Variants in NXN observed in about 807,000 individuals in gnomAD.
The protein encoded by NXN is nucleoredoxin.
In NXN, 16 loss-of-function variants were observed where a neutral mutation model predicts 48.6. The ratio of observed to expected loss-of-function variants is 0.33; its 90% confidence interval spans 0.22 to 0.50. The LOEUF (loss-of-function observed/expected upper bound fraction) is 0.50, where lower values mean the gene tolerates loss of function less well. Among genes scored for constraint, NXN ranks in the 20% least tolerant of loss-of-function variants. The pLI is 0.98. For synonymous variants in NXN, 281 were observed against 269.6 expected (o/e 1.04, Z -0.41); for missense variants, 492 against 605.5 (o/e 0.81, Z 1.97).
At chr17:923,532 A>T (rs1286438945) in intron 1 of NXN, among the ~76,000 whole-genome samples, 2 of 152,128 alleles carry the variant, frequency 1.3e-5, no homozygotes, top group Admixed American at 1.3e-4. Context: ...ACAAACAAAA[A>T]TTTTTAATTA....
intron 1 of NXN, among the ~76,000 whole-genome samples, chr17:959,631 C>A (rs1371536991): frequency 1.3e-5 from 2 of 148,860 alleles, no homozygotes; most frequent in East Asian, 4.0e-4. Flanking sequence ...CCCCTTTCTA[C>A]TAAAATACAA....
chr17:951,275 G>T (rs1052754779), intron 1 of NXN, among the ~76,000 whole-genome samples: 1 of 149,494 alleles, frequency 6.7e-6, no homozygotes, highest in African/African-American at 2.5e-5. Context: ...GCTTGAACCC[G>T]GGAGACAGAG....
rs558578582 is a variant in NXN, at chr17:820,428, G to A, written c.714-883C>T. 1.7e-3 allele frequency among the ~76,000 whole-genome samples: 246 copies of A among 147,876 alleles called. 2 individuals carry two copies. Among genetic ancestry groups the A allele is most frequent in the Admixed American group, 6.0e-3 (88 of 14,594 alleles). ...AGATCGAGACCGTCCTGGCTAACACGGTGAAACCCCATCTCTACTAAAAAT... is the reference window on the plus strand; with the variant it reads ...AGATCGAGACCGTCCTGGCTAACACAGTGAAACCCCATCTCTACTAAAAAT... On this transcript the variant is annotated intron_variant, in intron 4 of 7. Transcript: ENST00000336868.
chr17:897,893 C>A (rs1213626934), intron 1 of NXN, among the ~76,000 whole-genome samples: 4 of 152,218 alleles, frequency 2.6e-5, no homozygotes, highest in African/African-American at 7.2e-5. Context: ...GTTGGCCAGG[C>A]TGGTCTCGAA....
chr17:970,680 A>C (rs1361296679), intron 1 of NXN, among the ~76,000 whole-genome samples: 1 of 152,190 alleles, frequency 6.6e-6, no homozygotes, highest in African/African-American at 2.4e-5. Flanking sequence ...AATTCCGTGA[A>C]CAGAAAGGAC....
chr17:976,919 A>G (rs2069466747), intron 1 of NXN, among the ~76,000 whole-genome samples: 1 of 152,072 alleles, frequency 6.6e-6, no homozygotes, highest in South Asian at 2.1e-4. Context: ...GGCATGCGCC[A>G]CCAGGTCTGG....
chr17:919,891 T>C lies in NXN; in HGVS notation c.360+59428A>G, dbSNP rs76322510. 0.019 allele frequency among the ~76,000 whole-genome samples: 2,832 copies of C among 152,146 alleles called. 86 individuals carry two copies. Among genetic ancestry groups the C allele is most frequent in the African/African-American group, 0.065 (2,689 of 41,474 alleles). ...TCCCTCTTGTCACCTTGCAGACTGGTATTCACTAACCCCCAGGCCATGGCG... is the reference window on the plus strand; with the variant it reads ...TCCCTCTTGTCACCTTGCAGACTGGCATTCACTAACCCCCAGGCCATGGCG... On this transcript the variant is annotated intron_variant, in intron 1 of 7. Transcript: ENST00000336868. This position sits in a 1 kb window ranked among gnomAD's most constrained non-coding sequence, Gnocchi z 5.1.
chr17:848,278 T>C (rs936055907), intron 1 of NXN, among the ~76,000 whole-genome samples: 3 of 152,136 alleles, frequency 2.0e-5, no homozygotes, highest in South Asian at 2.1e-4. Context: ...TCTGGGATTA[T>C]AGGCACCCAC....
chr17:897,612 G>A (rs796865454), intron 1 of NXN, among the ~76,000 whole-genome samples: 17 of 152,262 alleles, frequency 1.1e-4, no homozygotes, highest in African/African-American at 2.9e-4. Context: ...AGGGCAATCC[G>A]CAAAGATTTC....
chr17:858,560 T>C (rs1260623278), intron 1 of NXN, among the ~76,000 whole-genome samples: 1 of 151,638 alleles, frequency 6.6e-6, no homozygotes, highest in Non-Finnish European at 1.5e-5. Context: ...ACCCCATCTC[T>C]ACTAAAAATA....
At chr17:805,648 C>T (rs1911452421) in intron 5 of NXN, among the ~76,000 whole-genome samples, 1 of 147,176 alleles carries the variant, frequency 6.8e-6, no homozygotes, top group Admixed American at 6.7e-5. Context: ...ACCAGCCTGG[C>T]CAACATGGTG....
At chr17:925,832 C>A (rs2068792683) in intron 1 of NXN, among the ~76,000 whole-genome samples, 1 of 152,182 alleles carries the variant, frequency 6.6e-6, no homozygotes, top group African/African-American at 2.4e-5. Flanking sequence ...GTCCCTGTTC[C>A]CCAAGAAGTA....
intron 1 of NXN, among the ~76,000 whole-genome samples, chr17:914,577 G>A (rs996413695): frequency 6.6e-6 from 1 of 152,212 alleles, no homozygotes. Context: ...GGTTCCTAGA[G>A]GAGACAGGAA....
chr17:808,323 G>C (rs1382384903), intron 5 of NXN, among the ~76,000 whole-genome samples: 1 of 105,468 alleles, frequency 9.5e-6, no homozygotes. Flanking sequence ...TTTTTTTTTA[G>C]ACGCAGTCTC....
chr17:827,025 C>T (rs988324613), intron 1 of NXN, among the ~76,000 whole-genome samples: 3 of 152,196 alleles, frequency 2.0e-5, no homozygotes, highest in East Asian at 1.9e-4. Context: ...TGGGTGCTCT[C>T]GAACCTCCCC....
intron 1 of NXN, among the ~76,000 whole-genome samples, chr17:875,244 C>T (rs1450397250): frequency 6.6e-6 from 1 of 152,028 alleles, no homozygotes; most frequent in Non-Finnish European, 1.5e-5. Context: ...GTTGGCCAGG[C>T]TGGTCTTGAA....
intron 1 of NXN, among the ~76,000 whole-genome samples, chr17:835,360 T>A (rs1327454460): frequency 6.7e-6 from 1 of 149,066 alleles, no homozygotes; most frequent in Non-Finnish European, 1.5e-5. Context: ...CCTACAACTC[T>A]ACTGTTTATG....
rs74591086 is a variant in NXN at position 954,672 on chromosome 17, G to A, written c.360+24647C>T. Among the ~76,000 whole-genome samples, 1,430 of 152,286 alleles carry A rather than the reference G, an allele frequency of 9.4e-3. 22 individuals are homozygous for A. The highest frequency in any genetic ancestry group is 0.033 in the African/African-American group (1,376 of 41,550). On this transcript the variant is annotated intron_variant, in intron 1 of 7. Coordinates refer to ENST00000336868, the MANE Select transcript of NXN (RefSeq NM_022463.5). ...TCGCAGCTGTCCCTCAACACCACTCGGGAAGGGGGCTAACTGCCCGGACGG... is the reference window on the plus strand; with the variant it reads ...TCGCAGCTGTCCCTCAACACCACTCAGGAAGGGGGCTAACTGCCCGGACGG...
chr17:859,598 C>T (rs1171114359), intron 1 of NXN, among the ~76,000 whole-genome samples: 1 of 152,180 alleles, frequency 6.6e-6, no homozygotes, highest in Non-Finnish European at 1.5e-5. Flanking sequence ...TACAAAACAA[C>T]AGCTGCACGG....
Sources: gnomAD v4.1 joint callset for allele counts (sites outside exome capture counted in the v4.1 genomes callset) on GRCh38, gnomAD v4.1.1 for gene constraint, Gnocchi (gnomAD v3.1) non-coding constraint, MANE v1.5 for transcripts, NCBI Gene and HGNC (gene_info 2026-07-23, HGNC 2026-07-21) for gene names.